DCHS2: variants seen among roughly 807,000 people sequenced by gnomAD.
DCHS2 encodes protocadherin-23.
In DCHS2, 142 loss-of-function variants were observed where a neutral mutation model predicts 182.4. The ratio of observed to expected loss-of-function variants is 0.78; its 90% CI spans 0.68 to 0.89. The LOEUF (loss-of-function observed/expected upper bound fraction) is 0.89. Among genes scored for constraint, DCHS2 ranks in the 40% least tolerant of loss-of-function variants. DCHS2 has a pLI of 0.00. For missense variants in DCHS2, 4,319 were observed against 4,198.6 expected (o/e 1.03, Z -0.79); for synonymous variants, 1,740 against 1,663.3 (o/e 1.05, Z -1.12).
At chr4:154,269,814 T>C in intron 14 of DCHS2, 86 bp downstream of exon 14, 1 of 1,509,074 alleles carries the variant, frequency 6.6e-7, no homozygotes, top group South Asian at 1.3e-5. Flanking sequence ...ATTACTTAGC[T>C]CTAACAATTT....
At chr4:154,419,707 C>A in intron 1 of DCHS2, among the ~76,000 whole-genome samples, 1 of 135,002 alleles carries the variant, frequency 7.4e-6, no homozygotes, top group East Asian at 2.3e-4. Context: ...GTGCAGGACA[C>A]TAAAGGAATA....
At chr4:154,308,486 G>A (rs1465883703) in intron 10 of DCHS2, among the ~76,000 whole-genome samples, 2 of 151,978 alleles carry the variant, frequency 1.3e-5, no homozygotes, top group Non-Finnish European at 2.9e-5. Context: ...TATTTGGTTG[G>A]TTCATTCATT....
At chr4:154,380,983 G>T (rs576372385) in intron 1 of DCHS2, among the ~76,000 whole-genome samples, 1 of 152,164 alleles carries the variant, frequency 6.6e-6, no homozygotes, top group South Asian at 2.1e-4. Context: ...AGGAAATCTT[G>T]CTTAGTTAAT....
chr4:154,465,233 C>T (rs1442498469), intron 1 of DCHS2, among the ~76,000 whole-genome samples: 1 of 152,128 alleles, frequency 6.6e-6, no homozygotes, highest in Admixed American at 6.5e-5. Flanking sequence ...GAAGGAGCCA[C>T]CTCCAAGTTG....
At chr4:154,437,800 T>A (rs1005469461) in intron 1 of DCHS2, among the ~76,000 whole-genome samples, 17 of 152,328 alleles carry the variant, frequency 1.1e-4, no homozygotes, top group Non-Finnish European at 2.5e-4. Context: ...GTCTCCTACA[T>A]AGAAACACAC....
chr4:154,329,458 C>G, intron 6 of DCHS2, 65 bp downstream of exon 6: 4 of 1,479,914 alleles, frequency 2.7e-6, no homozygotes, highest in Non-Finnish European at 3.7e-6. Flanking sequence ...GGTTTTACCA[C>G]AAGATGGTGC....
intron 1 of DCHS2, among the ~76,000 whole-genome samples, chr4:154,383,207 G>A (rs1235502180): frequency 6.6e-6 from 1 of 152,148 alleles, no homozygotes; most frequent in Non-Finnish European, 1.5e-5. Context: ...GCAGCTGGCT[G>A]CCATTATCTT....
intron 1 of DCHS2, among the ~76,000 whole-genome samples, chr4:154,476,690 G>A (rs746924414): frequency 1.6e-4 from 25 of 152,152 alleles, no homozygotes; most frequent in African/African-American, 2.2e-4. Context: ...TAAGGTCTCT[G>A]CCATCATCTC....
chr4:154,242,543 A>T, intron 17 of DCHS2, 99 bp downstream of exon 17: 2 of 1,406,702 alleles, frequency 1.4e-6, no homozygotes, highest in Non-Finnish European at 1.9e-6. Flanking sequence ...TTGGTTGTTG[A>T]GGATTAGCAC....
chr4:154,298,953 A>G, intron 12 of DCHS2: 1 of 390,010 alleles, frequency 2.6e-6, no homozygotes, highest in Admixed American at 4.4e-5. Flanking sequence ...TAATCAGTCA[A>G]TAATTAGAAC....
At chr4:154,397,540 C>G (rs1731987105) in intron 1 of DCHS2, among the ~76,000 whole-genome samples, 1 of 152,180 alleles carries the variant, frequency 6.6e-6, no homozygotes, top group Non-Finnish European at 1.5e-5. Context: ...CTTGCTTTTT[C>G]ACAAAACTGT....
In DCHS2 at chr4:154,316,582, A is replaced by G. The variant is rs191092717; in HGVS notation, c.5021-595T>C. 2.8e-3 allele frequency among the ~76,000 whole-genome samples: 419 copies of G among 152,246 alleles called. 3 individuals are homozygous for G. The highest frequency in any genetic ancestry group is 9.8e-3 in the African/African-American group (408 of 41,528). ...AGGATCACTTGAGGTTAGGTGTTCA[A>G]GACCAGCCTGGCCAACATGGTGAAA... is the stretch of plus-strand genomic sequence containing the variant. On this transcript the variant is annotated intron_variant, in intron 9 of 19. Transcript: ENST00000357232.
intron 1 of DCHS2, among the ~76,000 whole-genome samples, chr4:154,448,818 C>T (rs1413177916): frequency 6.6e-6 from 1 of 152,198 alleles, no homozygotes; most frequent in Non-Finnish European, 1.5e-5. Context: ...CTTCATACTT[C>T]AGCTCCATGA....
chr4:154,469,920 A>G (rs1213649069), intron 1 of DCHS2, among the ~76,000 whole-genome samples: 1 of 152,084 alleles, frequency 6.6e-6, no homozygotes, highest in Non-Finnish European at 1.5e-5. Context: ...TTTATTCTTT[A>G]TAGCACTTTT....
chr4:154,294,810 G>T (rs1306278708), intron 13 of DCHS2, among the ~76,000 whole-genome samples: 2 of 152,172 alleles, frequency 1.3e-5, no homozygotes, highest in Admixed American at 1.3e-4. Flanking sequence ...GTCAATGAAG[G>T]CATCATAAAA....
chr4:154,416,710 T>G (rs2110903697), intron 1 of DCHS2, among the ~76,000 whole-genome samples: 1 of 152,250 alleles, frequency 6.6e-6, no homozygotes, highest in South Asian at 2.1e-4. Context: ...ATAAAAACAC[T>G]TATAAATAAG....
At chr4:154,443,238 G>A (rs887896197) in intron 1 of DCHS2, among the ~76,000 whole-genome samples, 35 of 151,940 alleles carry the variant, frequency 2.3e-4, no homozygotes, top group Admixed American at 2.0e-3. Flanking sequence ...AGACCAATAC[G>A]GCTAAACAAA....
At chr4:154,269,399 T>C (rs1402536278) in intron 14 of DCHS2, 1 of 153,588 alleles carries the variant, frequency 6.5e-6, no homozygotes, top group Non-Finnish European at 1.4e-5. Context: ...TAAACAGTAA[T>C]GGTCTTACTG....
At chr4:154,386,705 C>T (rs2110835218) in intron 1 of DCHS2, among the ~76,000 whole-genome samples, 1 of 152,234 alleles carries the variant, frequency 6.6e-6, no homozygotes, top group Middle Eastern at 3.4e-3. Flanking sequence ...TATTGAGGTG[C>T]TAGAAATGTT....
Sources: gnomAD v4.1 joint callset for allele counts (sites outside exome capture counted in the v4.1 genomes callset) on GRCh38, gnomAD v4.1.1 for gene constraint, MANE v1.5 for transcripts, NCBI Gene and HGNC (gene_info 2026-07-23, HGNC 2026-07-21) for gene names.